DNAH14: variants seen among roughly 807,000 people sequenced by gnomAD.
DNAH14 encodes axonemal beta dynein heavy chain 14.
In DNAH14, 478 loss-of-function variants were observed where a neutral mutation model predicts 520.9. That is an observed-to-expected ratio of 0.92 (90% confidence interval 0.85 to 0.99). DNAH14 has a LOEUF of 0.99. Among genes scored for constraint, DNAH14 ranks in the 50% least tolerant of loss-of-function variants. DNAH14 has a pLI of 0.00. For synonymous variants in DNAH14, 1,581 were observed against 1,757.2 expected (o/e 0.90, Z 2.51); for missense variants, 4,831 against 5,234.5 (o/e 0.92, Z 2.38).
At chr1:225,118,764 T>C (rs1472328491) in intron 25 of DNAH14, among the ~76,000 whole-genome samples, 1 of 151,670 alleles carries the variant, frequency 6.6e-6, no homozygotes, top group Non-Finnish European at 1.5e-5. Context: ...GCACCTGTAA[T>C]CCCAGCTACT....
At chr1:225,106,263 A>G (rs2076038082) in intron 23 of DNAH14, among the ~76,000 whole-genome samples, 1 of 151,696 alleles carries the variant, frequency 6.6e-6, no homozygotes, top group South Asian at 2.1e-4. Context: ...TGTTAGTGTG[A>G]TGGGCTTCCC....
chr1:225,072,366 G>A (rs753958167), intron 17 of DNAH14, among the ~76,000 whole-genome samples: 34 of 152,082 alleles, frequency 2.2e-4, no homozygotes, highest in Admixed American at 5.2e-4. Context: ...AATTCTTCTA[G>A]TGTGTCTTTC....
intron 26 of DNAH14, among the ~76,000 whole-genome samples, chr1:225,121,875 TAATA>T (rs1171840272): frequency 6.6e-6 from 1 of 151,154 alleles, no homozygotes; most frequent in Non-Finnish European, 1.5e-5. Context: ...TAGAAATAAA[TAATA>T]AATAAATAAT....
At chr1:225,377,457 A>G in intron 79 of DNAH14, 21 bp downstream of exon 79, 3 of 1,528,136 alleles carry the variant, frequency 2.0e-6, no homozygotes, top group Non-Finnish European at 2.6e-6. Context: ...GCTAGGAAAA[A>G]TTGTTGGTCA....
intron 5 of DNAH14, 141 bp from the exon 6 acceptor site, chr1:224,967,290 T>C (rs1263842631): frequency 2.1e-6 from 1 of 467,310 alleles, no homozygotes; most frequent in Non-Finnish European, 3.5e-6. Context: ...TGATGTTAGC[T>C]TTCTCCAAAT....
At chr1:225,191,720 G>A (rs1053954202) in intron 37 of DNAH14, among the ~76,000 whole-genome samples, 20 of 151,736 alleles carry the variant, frequency 1.3e-4, no homozygotes, top group Non-Finnish European at 1.5e-4. Flanking sequence ...AGGTCTCTTG[G>A]ACTCTGTTTA....
chr1:225,169,907 T>A (rs989809678), intron 36 of DNAH14, among the ~76,000 whole-genome samples: 1 of 152,162 alleles, frequency 6.6e-6, no homozygotes, highest in Non-Finnish European at 1.5e-5. Flanking sequence ...CCCATCAGAC[T>A]AACAGCAGAT....
At chr1:224,968,296 G>A (rs2125606885) in intron 6 of DNAH14, among the ~76,000 whole-genome samples, 2 of 152,176 alleles carry the variant, frequency 1.3e-5, no homozygotes, top group South Asian at 4.1e-4. Context: ...TCAGATAGGG[G>A]AGGGGCACTC....
intron 10 of DNAH14, among the ~76,000 whole-genome samples, chr1:225,012,717 C>T (rs543797749): frequency 6.6e-6 from 1 of 152,292 alleles, no homozygotes; most frequent in Admixed American, 6.5e-5. Flanking sequence ...AGTTGATCTT[C>T]AATCTCTGAT....
intron 47 of DNAH14, among the ~76,000 whole-genome samples, chr1:225,264,491 C>G (rs2093045461): frequency 6.6e-6 from 1 of 151,992 alleles, no homozygotes; most frequent in African/African-American, 2.4e-5. Context: ...GGTATATTAC[C>G]TGATACTTGG....
Position 225,002,743 on chromosome 1 carries a change from T to G in DNAH14, c.831-40T>G, listed in dbSNP as rs746771980. 1.2e-5 allele frequency: 18 copies of G among 1,518,782 alleles called. No individual in the cohort carries two copies. In the South Asian group the frequency reaches 1.5e-4, roughly 12 times the overall value. The allele number at this position is 1,518,782 out of a possible 1,614,324, so 94.1% of individuals were successfully genotyped here. A position where few individuals can be genotyped will look rare whatever the true frequency, so the allele number is the denominator to read the frequency against. On this transcript the variant is annotated intron_variant, in intron 8 of 85. Coordinates refer to ENST00000682510, the MANE Select transcript of DNAH14 (RefSeq NM_001367479.1). Reference sequence around the variant, plus strand: ...ACCTCTAAATTAATTTTATTCATTTTGAATGAGAGATATATCTGTAGAAAT... The same window carrying G: ...ACCTCTAAATTAATTTTATTCATTTGGAATGAGAGATATATCTGTAGAAAT...
At chr1:225,265,045 A>T (rs1403397908) in intron 47 of DNAH14, 137 bp from the exon 48 acceptor site, 9 of 649,736 alleles carry the variant, frequency 1.4e-5, no homozygotes, top group Non-Finnish European at 2.0e-5. Flanking sequence ...CCAAAGTTCT[A>T]TCGGAGTAAT....
chr1:225,313,348 A>G lies in DNAH14; in HGVS notation c.9240+4938A>G, dbSNP rs1287507922. Among the ~76,000 whole-genome samples, 2 of 152,060 alleles carry G rather than the reference A, an allele frequency of 1.3e-5. 1 individual carries two copies. Among genetic ancestry groups the G allele is most frequent in the Non-Finnish European group, 2.9e-5 (2 of 67,992 alleles). ...ATTCTTCTGTCTTTTCTTCTTTATT[A>G]GTCTGGCTAGTGGTCTATTTTGTTA... On this transcript the variant is annotated intron_variant, in intron 60 of 85. Transcript: ENST00000682510.
intron 37 of DNAH14, 35 bp downstream of exon 37, chr1:225,185,460 T>A (rs535281237): frequency 2.1e-5 from 32 of 1,488,734 alleles, no homozygotes; most frequent in Admixed American, 1.6e-4. Context: ...TTTCTCTATT[T>A]GTTCATATCT....
chr1:225,385,013 CA>C (rs1244154586), intron 81 of DNAH14, among the ~76,000 whole-genome samples: 2 of 152,208 alleles, frequency 1.3e-5, no homozygotes, highest in Non-Finnish European at 2.9e-5. Context: ...AGTAGCACAT[CA>C]AAAAGCTTAT....
chr1:225,049,773 C>CGTATCTAT (rs1553408761), intron 15 of DNAH14, among the ~76,000 whole-genome samples: 4 of 142,918 alleles, frequency 2.8e-5, no homozygotes, highest in Admixed American at 2.7e-4. Context: ...TATCTATCTA[C>CGTATCTAT]CTATCTATCT....
Position 225,117,983 on chromosome 1 carries a change from G to A in DNAH14, c.4075G>A (p.Gly1359Ser). 2 of 1,549,188 alleles carry A rather than the reference G, an allele frequency of 1.3e-6. No homozygotes were observed. The highest frequency in any genetic ancestry group is 1.2e-5 in the South Asian group (1 of 83,996). ...VKMLISAEGE[G>S]LVLPKKIRVR... ...AATGCTAATATCTGCTGAAGGGGAA[G>A]GTCTCGTGCTGCCAAAGTATGATAA... The change falls in exon 25 of 86, where the codon GGT (glycine) becomes AGT (serine). Residue 1359 changes from glycine (G) to serine (S), a missense_variant. Physicochemically the swap from Gly to Ser is moderately conservative, Grantham distance 56. Transcript: ENST00000682510.
intron 66 of DNAH14, among the ~76,000 whole-genome samples, chr1:225,334,679 G>T (rs1266348203): frequency 6.6e-6 from 1 of 152,028 alleles, no homozygotes; most frequent in Non-Finnish European, 1.5e-5. Context: ...GAGAACAGCA[G>T]TAGTAATTGC....
Position 225,315,918 on chromosome 1 carries a change from G to A in DNAH14, c.9241-2665G>A, listed in dbSNP as rs202175675. Among the ~76,000 whole-genome samples the A allele has an allele frequency of 1.6e-4, 25 of 152,330 alleles. No homozygotes were observed. The East Asian group carries it at 4.8e-3, about 29-fold the overall frequency. On this transcript the variant is annotated intron_variant, in intron 60 of 85. Transcript: ENST00000682510. ...AGGCATGCAGATCAGGGACCCACTT[G>A]AGGCAGTCTGTCCCTTTGCAGAGCT...
Sources: allele counts gnomAD v4.1 joint callset (sites outside exome capture counted in the v4.1 genomes callset), GRCh38; gene constraint gnomAD v4.1.1; transcripts MANE v1.5; gene names NCBI Gene and HGNC (gene_info 2026-07-23, HGNC 2026-07-21).